ADGRL3: variants seen among roughly 807,000 people sequenced by gnomAD.
The protein encoded by ADGRL3 is adhesion G protein-coupled receptor L3.
In ADGRL3, 62 loss-of-function variants were observed where a neutral mutation model predicts 153.5. The ratio of observed to expected loss-of-function variants is 0.40; its 90% CI spans 0.33 to 0.50. The LOEUF (loss-of-function observed/expected upper bound fraction) is 0.50. Ranked by LOEUF, ADGRL3 falls within the 20% of genes least tolerant of loss-of-function variation. The probability of loss-of-function intolerance (pLI) is 0.47; values close to 1 mark genes in which losing one functional copy is unlikely to be tolerated. For missense variants in ADGRL3, 1,641 were observed against 1,859.4 expected, an observed-to-expected ratio of 0.88 and a Z score of 2.16; for synonymous variants, 710 against 672.5, an observed-to-expected ratio of 1.06 and a Z score of -0.86.
intron 2 of ADGRL3, among the ~76,000 whole-genome samples, chr4:61,387,784 G>A (rs961635990): frequency 6.6e-6 from 1 of 151,952 alleles, no homozygotes; most frequent in Non-Finnish European, 1.5e-5. Context: ...TTATTACAGG[G>A]TTCTGAGGCA....
At chr4:61,586,856 A>C (rs913324933) in intron 4 of ADGRL3, among the ~76,000 whole-genome samples, 38 of 152,150 alleles carry the variant, frequency 2.5e-4, no homozygotes, top group African/African-American at 8.4e-4. Flanking sequence ...TGTTATTAAA[A>C]AGAAAGAAGA....
intron 1 of ADGRL3, among the ~76,000 whole-genome samples, chr4:61,310,521 C>A (rs2094957675): frequency 6.6e-6 from 1 of 152,052 alleles, no homozygotes; most frequent in African/African-American, 2.4e-5. Context: ...TTGGGACACA[C>A]AATTATATCC....
chr4:61,251,815 C>G (rs76229212), intron 1 of ADGRL3, among the ~76,000 whole-genome samples: 10,971 of 148,816 alleles, frequency 0.074, 394 homozygotes, highest in Non-Finnish European at 0.09. Context: ...TCATTGTGAT[C>G]CTCAAGCAGT....
In ADGRL3 at chr4:62,074,782, G is replaced by A. The variant is rs547727917; in HGVS notation, c.*3874G>A. On this transcript the variant is annotated 3_prime_UTR_variant, in exon 27 of 27. Coordinates refer to ENST00000683033, the MANE Select transcript of ADGRL3 (RefSeq NM_001387552.1). Reference sequence around the variant, plus strand: ...AATATCCATCATAACTAAAAATGTTGACATATTAAGGAAAGGATCTTTAAG... The same window carrying A: ...AATATCCATCATAACTAAAAATGTTAACATATTAAGGAAAGGATCTTTAAG... The A allele has an allele frequency of 3.3e-5, 5 of 152,120 alleles. No individual in the cohort carries two copies. The highest frequency in any genetic ancestry group is 3.4e-3 in the Middle Eastern group (1 of 294). 9.4% of individuals were successfully genotyped at this position (152,120 alleles called of 1,614,324 possible). A position where few individuals can be genotyped will look rare whatever the true frequency, so the allele number is the denominator to read the frequency against.
At chr4:61,645,121 G>C (rs374078555) in intron 5 of ADGRL3, among the ~76,000 whole-genome samples, 856 of 8,390 alleles carry the variant, frequency 0.1, 4 homozygotes, top group South Asian at 0.28. Flanking sequence ...GCCTTTTTTT[G>C]TTTTCCATTT....
intron 5 of ADGRL3, among the ~76,000 whole-genome samples, chr4:61,668,658 G>A (rs2094885992): frequency 6.6e-6 from 1 of 152,052 alleles, no homozygotes; most frequent in Non-Finnish European, 1.5e-5. Flanking sequence ...ACATGCATTG[G>A]CATAATGTCC....
chr4:61,750,285 T>C (rs1388536345), intron 8 of ADGRL3, among the ~76,000 whole-genome samples: 2 of 151,386 alleles, frequency 1.3e-5, no homozygotes, highest in Admixed American at 6.6e-5. Context: ...TCAATAATCA[T>C]GCAAAGGCAG....
chr4:61,550,848 G>A (rs574857639), intron 4 of ADGRL3, among the ~76,000 whole-genome samples: 20 of 151,972 alleles, frequency 1.3e-4, no homozygotes, highest in African/African-American at 2.4e-4. Flanking sequence ...TAATATATAG[G>A]TCATTAGTCT....
At chr4:61,406,185 A>AT (rs981685124) in intron 2 of ADGRL3, among the ~76,000 whole-genome samples, 6 of 151,754 alleles carry the variant, frequency 4.0e-5, no homozygotes, top group Admixed American at 1.3e-4. Context: ...AAAACTGAGG[A>AT]TAAAAAAAAA....
At chr4:61,327,805 A>G (rs1000996244) in intron 1 of ADGRL3, among the ~76,000 whole-genome samples, 6 of 152,192 alleles carry the variant, frequency 3.9e-5, no homozygotes, top group South Asian at 2.1e-4. Flanking sequence ...TTAATGTTCC[A>G]TAGTATTATA....
Position 61,822,179 on chromosome 4 carries a change from T to G in ADGRL3, c.1480+8290T>G, listed in dbSNP as rs188081758. On this transcript the variant is annotated intron_variant, in intron 9 of 26. Transcript: ENST00000683033. The stretch of plus-strand genomic sequence containing the variant: ...CTTGCATATAACGGAGTTCTTTGAT[T>G]GCATTAAATTAAAACTCTTTTCCTG... 5.4e-4 allele frequency among the ~76,000 whole-genome samples: 82 copies of G among 152,292 alleles called. 1 individual carries two copies. The East Asian group carries it at 0.013, about 24-fold the overall frequency.
At chr4:61,451,781 A>T (rs1181633437) in intron 2 of ADGRL3, among the ~76,000 whole-genome samples, 1 of 152,118 alleles carries the variant, frequency 6.6e-6, no homozygotes, top group Non-Finnish European at 1.5e-5. Flanking sequence ...CCTAGTTTTG[A>T]TATATTCTGG....
chr4:61,349,981 AAT>A (rs1464857998), intron 1 of ADGRL3, among the ~76,000 whole-genome samples: 1 of 152,202 alleles, frequency 6.6e-6, no homozygotes, highest in African/African-American at 2.4e-5. Context: ...CTTATTGAAT[AAT>A]CACGCAGAAC....
chr4:61,875,551 T>G (rs2098470260), intron 9 of ADGRL3, among the ~76,000 whole-genome samples: 1 of 152,344 alleles, frequency 6.6e-6, no homozygotes, highest in South Asian at 2.1e-4. Context: ...CCTTTGCTTA[T>G]AATATAAGTC....
At chr4:61,353,286 A>G (rs550797321) in intron 1 of ADGRL3, among the ~76,000 whole-genome samples, 139 of 152,224 alleles carry the variant, frequency 9.1e-4, no homozygotes, top group African/African-American at 3.1e-3. Flanking sequence ...AATGTGTTTT[A>G]TCACAATATT....
chr4:61,491,050 G>A (rs968901040), intron 2 of ADGRL3, among the ~76,000 whole-genome samples: 1 of 152,004 alleles, frequency 6.6e-6, no homozygotes, highest in South Asian at 2.1e-4. Context: ...ACATTTGATA[G>A]GATGGTGATG....
chr4:61,283,339 C>T (rs1407573122), intron 1 of ADGRL3, among the ~76,000 whole-genome samples: 1 of 152,046 alleles, frequency 6.6e-6, no homozygotes, highest in Non-Finnish European at 1.5e-5. Context: ...TAAAACTTAG[C>T]ACCCACAAAA....
intron 2 of ADGRL3, among the ~76,000 whole-genome samples, chr4:61,495,493 G>GGGGAAGGGAAGGGA (rs2098304395): frequency 6.6e-6 from 1 of 150,870 alleles, no homozygotes; most frequent in Non-Finnish European, 1.5e-5. Context: ...AAGGAAGGAA[G>GGGGAAGGGAAGGGA]GGGAAGGGAA....
At chr4:61,272,488 G>A (rs2093245690) in intron 1 of ADGRL3, among the ~76,000 whole-genome samples, 1 of 151,844 alleles carries the variant, frequency 6.6e-6, no homozygotes, top group African/African-American at 2.4e-5. Context: ...AGGACTATAG[G>A]ACAGATTTTA....
Sources: gnomAD v4.1 joint callset for allele counts (sites outside exome capture counted in the v4.1 genomes callset) on GRCh38, gnomAD v4.1.1 for gene constraint, MANE v1.5 for transcripts, NCBI Gene and HGNC (gene_info 2026-07-23, HGNC 2026-07-21) for gene names.